Variants in KCNH8 observed in about 807,000 individuals in gnomAD.
The protein encoded by KCNH8 is voltage-gated delayed rectifier potassium channel KCNH8.
KCNH8 carries 70 observed loss-of-function variants against 103.6 expected under a neutral mutation model. The observed-to-expected ratio is 0.68, with a 90% CI of 0.56 to 0.82. The LOEUF is 0.82. KCNH8 is among the 40% of genes least tolerant of loss of function. The pLI is 0.00. For missense variants in KCNH8, 1,217 were observed against 1,329.9 expected, an observed-to-expected ratio of 0.92 and a Z score of 1.32; for synonymous variants, 498 against 489.4, an observed-to-expected ratio of 1.02 and a Z score of -0.23.
At position 19,515,423 on chromosome 3, in the gene KCNH8, T is replaced by A; in HGVS notation, c.2537T>A (p.Leu846His). The A allele has an allele frequency of 6.6e-7, 1 of 1,508,580 alleles. No homozygotes were observed. The highest frequency in any genetic ancestry group is 9.0e-7 in the Non-Finnish European group (1 of 1,115,512). The allele number at this position is 1,508,580 out of a possible 1,614,324, so 93.4% of individuals were successfully genotyped here. A position where few individuals can be genotyped will look rare whatever the true frequency, so the allele number is the denominator to read the frequency against. ...IRSEPRISPPLGDPEIGAAVL... is the reference protein window; with the variant it reads ...IRSEPRISPPHGDPEIGAAVL... ...TCAGAGCCCAGAATTTCTCCTCCTCTTGGAGGTAAGATCTATATTTAGTCT... is the reference window on the plus strand; with the variant it reads ...TCAGAGCCCAGAATTTCTCCTCCTCATGGAGGTAAGATCTATATTTAGTCT... The change falls in exon 14 of 16, where the codon CTT (leucine) becomes CAT (histidine). Residue 846 changes from leucine to histidine, a missense_variant. This residue lies in a region of KCNH8 where 558 missense variants were observed against 495.8 expected (regional missense o/e 1.13). Coordinates refer to ENST00000328405, the MANE Select transcript of KCNH8 (RefSeq NM_144633.3).
chr3:19,445,728 T>A (rs1263841273), intron 8 of KCNH8, among the ~76,000 whole-genome samples: 2 of 151,878 alleles, frequency 1.3e-5, no homozygotes, highest in Admixed American at 6.6e-5. Context: ...GCGAGTGAGA[T>A]GGGGATGAAG....
intron 3 of KCNH8, among the ~76,000 whole-genome samples, chr3:19,304,158 G>C (rs1378470335): frequency 1.3e-5 from 2 of 152,140 alleles, no homozygotes; most frequent in Non-Finnish European, 2.9e-5. Flanking sequence ...GGCTTTGGAA[G>C]AAGATTTTCA....
At chr3:19,522,053 G>A (rs556509429) in intron 15 of KCNH8, among the ~76,000 whole-genome samples, 105 of 151,896 alleles carry the variant, frequency 6.9e-4, no homozygotes, top group Admixed American at 3.1e-3. Flanking sequence ...TCTACTTGCT[G>A]TATTTTATCA....
intron 1 of KCNH8, among the ~76,000 whole-genome samples, chr3:19,153,307 T>G (rs570546269): frequency 2.0e-4 from 30 of 152,296 alleles, no homozygotes; most frequent in African/African-American, 6.7e-4. Flanking sequence ...ATCAGATAAT[T>G]TTGACATTAT....
At chr3:19,331,725 ATTTC>A (rs763257252) in intron 3 of KCNH8, among the ~76,000 whole-genome samples, 21 of 152,158 alleles carry the variant, frequency 1.4e-4, no homozygotes, top group Non-Finnish European at 2.6e-4. Context: ...AGCATTTATC[ATTTC>A]TTTGTGTTAC....
chr3:19,213,618 A>G (rs58513956), intron 1 of KCNH8, among the ~76,000 whole-genome samples: 6,237 of 152,224 alleles, frequency 0.041, 454 homozygotes, highest in African/African-American at 0.14. Flanking sequence ...TCATCTTGAT[A>G]TGTCTTTACT....
intron 6 of KCNH8, 108 bp downstream of exon 6, chr3:19,390,746 T>A (rs2066425121): frequency 9.2e-7 from 1 of 1,089,358 alleles, no homozygotes; most frequent in Non-Finnish European, 1.3e-6. Flanking sequence ...TTGTGCCTTC[T>A]TCAATAAAGA....
intron 3 of KCNH8, among the ~76,000 whole-genome samples, chr3:19,303,144 A>C (rs2065085369): frequency 6.6e-6 from 1 of 152,184 alleles, no homozygotes; most frequent in Admixed American, 6.5e-5. Flanking sequence ...GCAATCAGAA[A>C]GCTTGAATGA....
chr3:19,292,565 C>T (rs1447836096), intron 3 of KCNH8, among the ~76,000 whole-genome samples: 1 of 152,142 alleles, frequency 6.6e-6, no homozygotes, highest in Non-Finnish European at 1.5e-5. Context: ...CTAACTAACA[C>T]AAGATTAAAC....
At chr3:19,202,875 G>C (rs544941581) in intron 1 of KCNH8, among the ~76,000 whole-genome samples, 1 of 152,196 alleles carries the variant, frequency 6.6e-6, no homozygotes, top group Admixed American at 6.6e-5. Flanking sequence ...CAAAAAGTTT[G>C]TTGACATTTA....
intron 7 of KCNH8, among the ~76,000 whole-genome samples, chr3:19,420,722 A>G (rs1327270716): frequency 6.6e-6 from 1 of 152,210 alleles, no homozygotes; most frequent in East Asian, 1.9e-4. Context: ...AGTGCTTTAT[A>G]TGTTTCATAC....
At chr3:19,373,520 C>T (rs1013649059) in intron 5 of KCNH8, among the ~76,000 whole-genome samples, 2 of 152,068 alleles carry the variant, frequency 1.3e-5, no homozygotes, top group Non-Finnish European at 2.9e-5. Context: ...ATTAGTCTTG[C>T]TAGCGGTCTA....
At chr3:19,351,870 A>G (rs1331807302) in intron 5 of KCNH8, among the ~76,000 whole-genome samples, 5 of 152,206 alleles carry the variant, frequency 3.3e-5, no homozygotes, top group Non-Finnish European at 7.3e-5. Flanking sequence ...TGACAGGATC[A>G]AATTCACACA....
intron 2 of KCNH8, among the ~76,000 whole-genome samples, chr3:19,256,522 G>A (rs1211492609): frequency 6.6e-6 from 1 of 152,198 alleles, no homozygotes; most frequent in East Asian, 1.9e-4. Flanking sequence ...GTGGAACGAA[G>A]GGGAAAGGAT....
chr3:19,533,947 G>A lies in KCNH8; in HGVS notation c.3172G>A (p.Gly1058Arg). The change falls in exon 16 of 16, where the codon GGA becomes AGA. Residue 1058 changes from glycine (G) to arginine (R), a missense_variant. Gly to Arg is a moderately radical substitution (Grantham distance 125). Around this residue, in one of 3 missense-constraint regions of KCNH8, gnomAD observed 558 missense variants for 495.8 expected, o/e 1.13. Coordinates refer to ENST00000328405, the MANE Select transcript of KCNH8 (RefSeq NM_144633.3). Reference protein sequence around the residue: ...SRSEEGSFSQGTVSSFSLENL... With the variant: ...SRSEEGSFSQRTVSSFSLENL... ...ATCAGAGGAGGGCAGCTTCAGTCAG[G>A]GAACTGTGAGTTCCTTCAGTCTGGA... 9 of 1,614,096 alleles carry A rather than the reference G, an allele frequency of 5.6e-6. No individual in the cohort carries two copies. The highest frequency in any genetic ancestry group is 7.6e-6 in the Non-Finnish European group (9 of 1,180,008).
At chr3:19,479,313 C>T (rs968077518) in intron 11 of KCNH8, among the ~76,000 whole-genome samples, 4 of 152,080 alleles carry the variant, frequency 2.6e-5, no homozygotes, top group African/African-American at 4.8e-5. Context: ...AAAGAATTAT[C>T]CTCTAAGTCT....
intron 1 of KCNH8, among the ~76,000 whole-genome samples, chr3:19,192,039 C>T (rs2063558036): frequency 6.6e-6 from 1 of 151,304 alleles, no homozygotes; most frequent in African/African-American, 2.4e-5. Context: ...CTCCACTGGT[C>T]TCAGGTTGTA....
At chr3:19,417,603 G>T (rs772200199) in intron 7 of KCNH8, among the ~76,000 whole-genome samples, 2 of 151,818 alleles carry the variant, frequency 1.3e-5, no homozygotes, top group Non-Finnish European at 2.9e-5. Flanking sequence ...GAATTTTTCG[G>T]TTACCAGGAA....
chr3:19,531,100 A>G (rs2069153977), intron 15 of KCNH8, among the ~76,000 whole-genome samples: 1 of 152,234 alleles, frequency 6.6e-6, no homozygotes, highest in South Asian at 2.1e-4. Flanking sequence ...CCTTTATTTA[A>G]TTCTCAATAA....
Sources: gnomAD v4.1 joint callset for allele counts (sites outside exome capture counted in the v4.1 genomes callset) on GRCh38, gnomAD v4.1.1 for gene constraint, gnomAD v4.1.1 regional missense constraint, MANE v1.5 for transcripts, NCBI Gene and HGNC (gene_info 2026-07-23, HGNC 2026-07-21) for gene names.